Variants in PRIM2 observed in about 807,000 individuals in gnomAD.
The protein encoded by PRIM2 is DNA primase subunit 2, also known as DNA primase large subunit.
A neutral mutation model predicts 67.3 loss-of-function variants in PRIM2; 39 were observed. The observed-to-expected ratio is 0.58, with a 90% CI of 0.45 to 0.76. The LOEUF (loss-of-function observed/expected upper bound fraction) is 0.76. PRIM2 is among the 30% of genes least tolerant of loss of function. PRIM2 has a pLI of 0.00. For synonymous variants in PRIM2, 143 were observed against 198.7 expected, an observed-to-expected ratio of 0.72 and a Z score of 2.36; for missense variants, 398 against 598.7, an observed-to-expected ratio of 0.66 and a Z score of 3.50.
chr6:57,623,290 T>A (rs1776889788), intron 12 of PRIM2, among the ~76,000 whole-genome samples: 1 of 152,174 alleles, frequency 6.6e-6, no homozygotes, highest in Admixed American at 6.5e-5. Flanking sequence ...TCTGTGTATA[T>A]CCTTCCTTTC....
At chr6:57,289,153 C>T in the PRIM2 span, among the ~76,000 whole-genome samples, 11 of 152,138 alleles carry the variant, frequency 7.2e-5, no homozygotes, top group South Asian at 2.1e-4. Flanking sequence ...AACTTTGTGA[C>T]GCATGCACAA....
At chr6:57,278,559 T>C in the PRIM2 span, among the ~76,000 whole-genome samples, 1 of 152,246 alleles carries the variant, frequency 6.6e-6, no homozygotes, top group African/African-American at 2.4e-5. Context: ...ACAACTTTAA[T>C]GTTTTGACAG....
At chr6:57,583,129 A>G (rs1245551924) in intron 10 of PRIM2, among the ~76,000 whole-genome samples, 10 of 149,462 alleles carry the variant, frequency 6.7e-5, no homozygotes, top group African/African-American at 2.0e-4. Context: ...ATCATTTTTT[A>G]TGGCTGCATA....
chr6:57,473,011 G>C (rs1319554151), intron 7 of PRIM2, among the ~76,000 whole-genome samples: 21 of 152,194 alleles, frequency 1.4e-4, no homozygotes, highest in Non-Finnish European at 5.9e-5. Context: ...AATCAGAGAT[G>C]TACTGCTATG....
chr6:57,437,644 G>A (rs1360488512), intron 7 of PRIM2, among the ~76,000 whole-genome samples: 15 of 147,240 alleles, frequency 1.0e-4, no homozygotes, highest in African/African-American at 3.5e-4. Context: ...AACTAACAAA[G>A]ATCCTTGGGA....
chr6:57,467,206 C>G (rs1773225805), intron 7 of PRIM2, among the ~76,000 whole-genome samples: 2 of 151,348 alleles, frequency 1.3e-5, no homozygotes, highest in Admixed American at 6.6e-5. Flanking sequence ...CCCATCATGC[C>G]TATGTCCTGA....
intron 7 of PRIM2, among the ~76,000 whole-genome samples, chr6:57,451,197 G>T (rs1450121269): frequency 6.6e-6 from 1 of 152,098 alleles, no homozygotes; most frequent in Non-Finnish European, 1.5e-5. Context: ...CTGGAATGCA[G>T]TGGTGTCACC....
the PRIM2 span, among the ~76,000 whole-genome samples, chr6:57,271,483 A>G: frequency 6.6e-6 from 1 of 151,940 alleles, no homozygotes; most frequent in African/African-American, 2.4e-5. Flanking sequence ...TATCCCCTTT[A>G]CCATTTTGTA....
intron 13 of PRIM2, among the ~76,000 whole-genome samples, chr6:57,633,018 A>C (rs1777060945): frequency 6.6e-6 from 1 of 152,250 alleles, no homozygotes; most frequent in Non-Finnish European, 1.5e-5. Context: ...CCAATGTCAC[A>C]AACTCAGAGG....
At chr6:57,614,023 A>G (rs1776710272) in intron 12 of PRIM2, among the ~76,000 whole-genome samples, 2 of 151,966 alleles carry the variant, frequency 1.3e-5, no homozygotes, top group Non-Finnish European at 2.9e-5. Context: ...GCTGTTCATT[A>G]TATCAGAGGT....
the PRIM2 span, among the ~76,000 whole-genome samples, chr6:57,254,796 C>T: frequency 6.6e-6 from 1 of 152,062 alleles, no homozygotes; most frequent in Non-Finnish European, 1.5e-5. Context: ...AGCACCTGGA[C>T]CCATTAGGAT....
At chr6:57,485,681 A>G (rs1242651849) in intron 7 of PRIM2, among the ~76,000 whole-genome samples, 73 of 152,336 alleles carry the variant, frequency 4.8e-4, no homozygotes, top group African/African-American at 1.6e-3. Flanking sequence ...TAGTCCACAT[A>G]TCATTATCAA....
At chr6:57,546,707 A>G (rs1775296303) in intron 10 of PRIM2, among the ~76,000 whole-genome samples, 1 of 152,088 alleles carries the variant, frequency 6.6e-6, no homozygotes, top group African/African-American at 2.4e-5. Flanking sequence ...TTCTCAGTAT[A>G]TTTGAATACT....
upstream of PRIM2, among the ~76,000 whole-genome samples, chr6:57,315,787 A>AT (rs1363199308): frequency 2.6e-5 from 4 of 151,854 alleles, no homozygotes; most frequent in Non-Finnish European, 5.9e-5. Context: ...ATAATTTTAT[A>AT]CTTTTTATGG....
the PRIM2 span, among the ~76,000 whole-genome samples, chr6:57,289,139 C>T: frequency 2.6e-5 from 4 of 152,022 alleles, no homozygotes; most frequent in African/African-American, 4.8e-5. Flanking sequence ...AACCACAGCA[C>T]GAGAACTTTG....
At chr6:57,521,841 TC>T (rs1314746342) in intron 8 of PRIM2, among the ~76,000 whole-genome samples, 3 of 152,226 alleles carry the variant, frequency 2.0e-5, no homozygotes, top group African/African-American at 4.8e-5. Context: ...AGAAACTCTG[TC>T]TGCTGGTGGG....
intron 10 of PRIM2, among the ~76,000 whole-genome samples, chr6:57,565,811 A>G (rs1775726408): frequency 6.6e-6 from 1 of 152,204 alleles, no homozygotes. Flanking sequence ...AAAAAAATAG[A>G]CACTTTCTTA....
intron 7 of PRIM2, among the ~76,000 whole-genome samples, chr6:57,405,103 A>G (rs1770839200): frequency 6.6e-6 from 1 of 151,640 alleles, no homozygotes. Context: ...GTGATGAGAA[A>G]GTATCAGCAG....
the PRIM2 span, among the ~76,000 whole-genome samples, chr6:57,300,358 G>T: frequency 6.6e-6 from 1 of 152,130 alleles, no homozygotes; most frequent in Non-Finnish European, 1.5e-5. Flanking sequence ...ATCTAGAATA[G>T]AATAAACACC....
Sources: gnomAD v4.1 joint callset for allele counts (sites outside exome capture counted in the v4.1 genomes callset) on GRCh38, gnomAD v4.1.1 for gene constraint, MANE v1.5 for transcripts, NCBI Gene and HGNC (gene_info 2026-07-23, HGNC 2026-07-21) for gene names.